The following SOX6 variants were observed in gnomAD, a reference collection of about 807,000 sequenced individuals.
SOX6 encodes the protein SRY-box transcription factor 6, also known as transcription factor SOX-6.
In SOX6, 11 loss-of-function variants were observed where a neutral mutation model predicts 97.8. The observed-to-expected ratio is 0.11, with a 90% CI of 0.07 to 0.19. The LOEUF is 0.19. Ranked by LOEUF, SOX6 falls within the 10% of genes least tolerant of loss-of-function variation. The pLI, the probability that SOX6 is intolerant of heterozygous loss-of-function variation, is 1.00. For synonymous variants in SOX6, 360 were observed against 371.4 expected (o/e 0.97, Z 0.35); for missense variants, 810 against 1,039.5 (o/e 0.78, Z 3.04).
At chr11:16,227,306 C>G (rs1223262861) in intron 4 of SOX6, among the ~76,000 whole-genome samples, 1 of 152,150 alleles carries the variant, frequency 6.6e-6, no homozygotes, top group Non-Finnish European at 1.5e-5. Context: ...AACATTCCAC[C>G]AGCATGGGGA....
At chr11:16,428,643 T>C (rs1024901761) in intron 1 of SOX6, among the ~76,000 whole-genome samples, 3 of 152,196 alleles carry the variant, frequency 2.0e-5, no homozygotes, top group African/African-American at 7.2e-5. Context: ...TGTAGATATG[T>C]GGCATTATTT....
At chr11:16,104,649 TACAC>T (rs146505312) in intron 7 of SOX6, among the ~76,000 whole-genome samples, 2 of 149,832 alleles carry the variant, frequency 1.3e-5, no homozygotes, top group Non-Finnish European at 1.5e-5. Flanking sequence ...ATTACACACA[TACAC>T]ACACACACAC....
chr11:16,189,726 G>C (rs947511859), intron 4 of SOX6, among the ~76,000 whole-genome samples: 1 of 152,088 alleles, frequency 6.6e-6, no homozygotes, highest in Non-Finnish European at 1.5e-5. Context: ...GGATGTATAC[G>C]TATTTTATTA....
intron 12 of SOX6, among the ~76,000 whole-genome samples, chr11:16,036,091 T>A (rs1374477053): frequency 6.6e-6 from 1 of 151,520 alleles, no homozygotes; most frequent in Non-Finnish European, 1.5e-5. Flanking sequence ...TTTTTTTTTT[T>A]TTTTTGAGAT....
intron 6 of SOX6, among the ~76,000 whole-genome samples, chr11:16,139,669 A>T (rs954338282): frequency 2.0e-5 from 3 of 151,306 alleles, no homozygotes; most frequent in African/African-American, 4.9e-5. Context: ...ATTCAGAAGC[A>T]CAGTTTTTAG....
At chr11:15,998,993 C>CTT (rs1430404396) in intron 13 of SOX6, among the ~76,000 whole-genome samples, 1 of 151,908 alleles carries the variant, frequency 6.6e-6, no homozygotes, top group Non-Finnish European at 1.5e-5. Flanking sequence ...AAAGCACATA[C>CTT]TGGAAAAAAT....
intron 1 of SOX6, among the ~76,000 whole-genome samples, chr11:16,396,092 G>A (rs144570235): frequency 3.2e-4 from 49 of 151,540 alleles, no homozygotes; most frequent in Middle Eastern, 3.4e-3. Flanking sequence ...GCCTTTATTC[G>A]CTAGACTTTT....
At chr11:16,055,963 GAA>G in intron 9 of SOX6, 62 bp from the exon 10 acceptor site, 1 of 1,569,948 alleles carries the variant, frequency 6.4e-7, no homozygotes, top group Non-Finnish European at 8.7e-7. Flanking sequence ...AGTTTCAAAA[GAA>G]AAAACTTACC....
chr11:16,503,945 A>G (rs1860746748), intron 4 of SOX6, among the ~76,000 whole-genome samples: 1 of 152,050 alleles, frequency 6.6e-6, no homozygotes. Context: ...CGGGAGGTTG[A>G]GGCAGGAGAA....
chr11:16,031,724 G>C (rs1462419886), intron 12 of SOX6, among the ~76,000 whole-genome samples: 4 of 151,840 alleles, frequency 2.6e-5, no homozygotes, highest in African/African-American at 7.3e-5. Flanking sequence ...AGAGAGGGAG[G>C]GTGGAAAAAT....
chr11:16,093,617 G>T (rs1420517482), intron 9 of SOX6, among the ~76,000 whole-genome samples: 2 of 151,842 alleles, frequency 1.3e-5, no homozygotes, highest in Non-Finnish European at 1.5e-5. Flanking sequence ...GGGAGTATAT[G>T]TGTTATAAGC....
At chr11:16,314,932 GTTGT>G (rs941490809) in intron 3 of SOX6, 8 of 151,998 alleles carry the variant, frequency 5.3e-5, no homozygotes, top group African/African-American at 9.7e-5. Context: ...TTATTTACTG[GTTGT>G]TTGTTTGTTT....
chr11:16,486,781 G>A (rs1383708462), intron 4 of SOX6, among the ~76,000 whole-genome samples: 1 of 152,144 alleles, frequency 6.6e-6, no homozygotes, highest in Non-Finnish European at 1.5e-5. Context: ...CTGGGAGGCA[G>A]AGGCAGCAGT....
intron 1 of SOX6, among the ~76,000 whole-genome samples, chr11:16,431,442 A>T (rs1247697997): frequency 6.6e-6 from 1 of 152,190 alleles, no homozygotes; most frequent in Non-Finnish European, 1.5e-5. Flanking sequence ...TAAACAATTT[A>T]TACAGCTGAA....
chr11:16,540,323 A>G (rs930871221), intron 4 of SOX6, among the ~76,000 whole-genome samples: 3 of 152,166 alleles, frequency 2.0e-5, no homozygotes, highest in Admixed American at 1.3e-4. Flanking sequence ...ACATATTTCA[A>G]AATAATAAGA....
chr11:16,528,429 T>C (rs10832637), intron 4 of SOX6, among the ~76,000 whole-genome samples: 37,244 of 151,908 alleles, frequency 0.25, 5,051 homozygotes, highest in East Asian at 0.48. Context: ...AGAGGGTGTG[T>C]GAAGGGAGGG....
At chr11:16,141,692 C>G (rs1049980978) in intron 6 of SOX6, among the ~76,000 whole-genome samples, 2 of 152,200 alleles carry the variant, frequency 1.3e-5, no homozygotes, top group Admixed American at 6.5e-5. Flanking sequence ...GCAAACGGCA[C>G]ACCAGGAGAT....
chr11:16,005,468 G>T (rs1298495464), intron 13 of SOX6, among the ~76,000 whole-genome samples: 1 of 151,982 alleles, frequency 6.6e-6, no homozygotes, highest in Non-Finnish European at 1.5e-5. Flanking sequence ...TTGGAATTAT[G>T]AAGGATTTGA....
chr11:16,547,339 T>C (rs889674033), intron 4 of SOX6, among the ~76,000 whole-genome samples: 1 of 152,026 alleles, frequency 6.6e-6, no homozygotes, highest in Non-Finnish European at 1.5e-5. Flanking sequence ...CTATTCACAA[T>C]TGTAAAGCTA....
Sources: gnomAD v4.1 joint callset for allele counts (sites outside exome capture counted in the v4.1 genomes callset) on GRCh38, gnomAD v4.1.1 for gene constraint, MANE v1.5 for transcripts, NCBI Gene and HGNC (gene_info 2026-07-23, HGNC 2026-07-21) for gene names.